The following ADAMTS2 variants were observed in gnomAD, a reference collection of about 807,000 sequenced individuals.
ADAMTS2 encodes the protein ADAM metallopeptidase with thrombospondin type 1 motif 2.
ADAMTS2 carries 50 observed loss-of-function variants against 123.0 expected under a neutral mutation model. The observed-to-expected ratio is 0.41, with a 90% confidence interval of 0.32 to 0.51. ADAMTS2 has a LOEUF of 0.51. Ranked by LOEUF, ADAMTS2 falls within the 20% of genes least tolerant of loss-of-function variation. The pLI is 0.35. For synonymous variants in ADAMTS2, 678 were observed against 695.4 expected (o/e 0.98, Z 0.39); for missense variants, 1,494 against 1,705.2 (o/e 0.88, Z 2.18).
rs1289454786 is a variant in ADAMTS2 at position 179,242,487 on chromosome 5, T to C, written c.688+30424A>G. Among the ~76,000 whole-genome samples the C allele has an allele frequency of 1.3e-5, 2 of 152,216 alleles. No homozygotes were observed. The highest frequency in any genetic ancestry group is 1.9e-4 in the East Asian group (1 of 5,196). On this transcript the variant is annotated intron_variant, in intron 3 of 21. Transcript: ENST00000251582. The surrounding 1 kb of genome is among the most constrained non-coding windows in gnomAD (Gnocchi z 4.2). The stretch of plus-strand genomic sequence containing the variant: ...GGACACATTCCCCTCAGAACAACCA[T>C]AACTGGTGAAAAGTATTGAAAAGTC...
chr5:179,324,189 A>G (rs1757253613), intron 2 of ADAMTS2, among the ~76,000 whole-genome samples: 1 of 152,160 alleles, frequency 6.6e-6, no homozygotes, highest in African/African-American at 2.4e-5. Flanking sequence ...TTCTTTTCAG[A>G]GTCTTGAACA....
chr5:179,270,319 C>T (rs1435523450), intron 3 of ADAMTS2, among the ~76,000 whole-genome samples: 1 of 152,178 alleles, frequency 6.6e-6, no homozygotes, highest in Non-Finnish European at 1.5e-5. Flanking sequence ...ATGCCCATCC[C>T]CCACTGGGAC....
In ADAMTS2 at chr5:179,125,110, G is replaced by A. The variant is rs937744996; in HGVS notation, c.2821C>T (p.Arg941Cys). Residue 941 changes from arginine to cysteine, a missense_variant, in exon 19 of 22, where the codon CGC becomes TGC. Around this residue, in one of 6 missense-constraint regions of ADAMTS2, gnomAD observed 953 missense variants for 1,124.7 expected, o/e 0.85. Transcript: ENST00000251582. ...TTGTCGTGTAGCGGCTGAATGCAGC[G>A]CACGGAGCGCACCTGCATGCCTGTC... ...GRTGMQVRSV[R>C]CIQPLHDNTT... 6 of 1,612,788 alleles carry A rather than the reference G, an allele frequency of 3.7e-6. No homozygotes were observed. The highest frequency in any genetic ancestry group is 3.3e-5 in the Admixed American group (2 of 59,996).
In ADAMTS2 at chr5:179,185,864, G is replaced by A. The variant is rs1208543920; in HGVS notation, c.892-4709C>T. Among the ~76,000 whole-genome samples the A allele has an allele frequency of 6.6e-6, 1 of 152,026 alleles. No individual in the cohort carries two copies. Among genetic ancestry groups the A allele is most frequent in the African/African-American group, 2.4e-5 (1 of 41,398 alleles). On this transcript the variant is annotated intron_variant, in intron 4 of 21. Transcript: ENST00000251582. The surrounding 1 kb of genome is among the most constrained non-coding windows in gnomAD (Gnocchi z 5.9). The stretch of plus-strand genomic sequence containing the variant: ...GTTCGGAGATTAACTGGGGCTCCCT[G>A]GCTGCTGAGGAGCTAGAGAGGGCAT...
chr5:179,204,259 C>A (rs963816048), intron 4 of ADAMTS2, among the ~76,000 whole-genome samples: 1 of 152,166 alleles, frequency 6.6e-6, no homozygotes, highest in Non-Finnish European at 1.5e-5. Flanking sequence ...GTTCTGTGGA[C>A]GGTGGTGGCG....
At chr5:179,169,323 C>T (rs1763770222) in intron 5 of ADAMTS2, among the ~76,000 whole-genome samples, 1 of 152,226 alleles carries the variant, frequency 6.6e-6, no homozygotes, top group South Asian at 2.1e-4. Context: ...GCGTCCTGCT[C>T]TTGGACTTCC....
At chr5:179,318,770 G>A (rs1581271213) in intron 2 of ADAMTS2, among the ~76,000 whole-genome samples, 1 of 151,658 alleles carries the variant, frequency 6.6e-6, no homozygotes, top group Non-Finnish European at 1.5e-5. Context: ...GGGAAACACT[G>A]ATGTCGCTGT....
chr5:179,322,103 A>G (rs1757199026), intron 2 of ADAMTS2, among the ~76,000 whole-genome samples: 1 of 152,218 alleles, frequency 6.6e-6, no homozygotes, highest in Non-Finnish European at 1.5e-5. Context: ...TTGAAAGCTA[A>G]TGGCACTGCA....
chr5:179,163,368 C>T (rs896956030), intron 5 of ADAMTS2, among the ~76,000 whole-genome samples: 12 of 152,140 alleles, frequency 7.9e-5, no homozygotes, highest in Non-Finnish European at 1.8e-4. Flanking sequence ...AACCCAGGTG[C>T]CCAGGCACAG....
intron 10 of ADAMTS2, among the ~76,000 whole-genome samples, chr5:179,145,954 G>A (rs1763243947): frequency 6.6e-6 from 1 of 152,212 alleles, no homozygotes; most frequent in Non-Finnish European, 1.5e-5. Flanking sequence ...CCGGGTTCAA[G>A]TGATTCTCCT....
rs182490488 is a variant in ADAMTS2 at position 179,216,645 on chromosome 5, C to G, written c.689-8930G>C. 1.7e-3 allele frequency among the ~76,000 whole-genome samples: 258 copies of G among 152,364 alleles called. 3 individuals are homozygous for G. The highest frequency in any genetic ancestry group is 6.0e-3 in the African/African-American group (248 of 41,584). ...TCCCGGAGAAGCAGAAGTCAGACCA[C>G]GACCTGGAGACTGATCTGCTCACCT... On this transcript the variant is annotated intron_variant, in intron 3 of 21. Transcript: ENST00000251582.
At chr5:179,223,327 C>G (rs1581201633) in intron 3 of ADAMTS2, among the ~76,000 whole-genome samples, 1 of 151,378 alleles carries the variant, frequency 6.6e-6, no homozygotes, top group African/African-American at 2.4e-5. Flanking sequence ...TGCACACTCA[C>G]ACAAATGCAC....
chr5:179,318,467 G>C (rs1021133892), intron 2 of ADAMTS2, among the ~76,000 whole-genome samples: 1 of 152,118 alleles, frequency 6.6e-6, no homozygotes, highest in Non-Finnish European at 1.5e-5. Flanking sequence ...CCTGCCAGGA[G>C]GGACAGGGCC....
At position 179,332,264 on chromosome 5, in the gene ADAMTS2, C is replaced by G. The variant is rs1757501721; in HGVS notation, c.534+11503G>C. Among the ~76,000 whole-genome samples, 1 of 152,196 alleles carries G rather than the reference C, an allele frequency of 6.6e-6. No individual in the cohort carries two copies. The highest frequency in any genetic ancestry group is 2.4e-5 in the African/African-American group (1 of 41,444). Reference sequence around the variant, plus strand: ...GGAAGGGCTGCAGAGCCTCCACGCCCTCTCTGGGCACTCACCCTCCCAGAA... The same window carrying G: ...GGAAGGGCTGCAGAGCCTCCACGCCGTCTCTGGGCACTCACCCTCCCAGAA... On this transcript the variant is annotated intron_variant, in intron 2 of 21. Coordinates refer to ENST00000251582, the MANE Select transcript of ADAMTS2 (RefSeq NM_014244.5). This position sits in a 1 kb window ranked among gnomAD's most constrained non-coding sequence, Gnocchi z 4.2.
chr5:179,153,461 A>G, intron 9 of ADAMTS2, 30 bp downstream of exon 9: 1 of 1,603,806 alleles, frequency 6.2e-7, no homozygotes, highest in South Asian at 1.1e-5. Context: ...CAGACCTGGG[A>G]GGGTCCCGGC....
chr5:179,339,248 C>G (rs1045937469), intron 2 of ADAMTS2, among the ~76,000 whole-genome samples: 1 of 152,256 alleles, frequency 6.6e-6, no homozygotes, highest in African/African-American at 2.4e-5. Context: ...AATCCCTCCC[C>G]CAACTCTCAC....
In ADAMTS2 at chr5:179,207,520, A is replaced by G. The variant is rs1485373655; in HGVS notation, c.884T>C (p.Met295Thr). 2 of 1,527,794 alleles carry G rather than the reference A, an allele frequency of 1.3e-6. No homozygotes were observed. The highest frequency in any genetic ancestry group is 1.8e-6 in the Non-Finnish European group (2 of 1,133,386). The allele number at this position is 1,527,794 out of a possible 1,614,324, so 94.6% of individuals were successfully genotyped here. The change falls in exon 4 of 22, where the codon ATG (methionine) becomes ACG (threonine). Residue 295 changes from methionine to threonine, a missense_variant. Physicochemically the swap from Met to Thr is moderately conservative, Grantham distance 81. Coordinates refer to ENST00000251582, the MANE Select transcript of ADAMTS2 (RefSeq NM_014244.5). ...EHVQKYLLTL[M>T]NIVNEIYHDE... ...CTCAGCCACCCCACTCACAATGTTCATGAGTGTCAGCAGGTACTTCTGTAC... is the reference window on the plus strand; with the variant it reads ...CTCAGCCACCCCACTCACAATGTTCGTGAGTGTCAGCAGGTACTTCTGTAC...
intron 4 of ADAMTS2, among the ~76,000 whole-genome samples, chr5:179,205,780 T>TATTATTA (rs1419365563): frequency 6.6e-6 from 1 of 150,638 alleles, no homozygotes; most frequent in African/African-American, 2.4e-5. Context: ...TTATTATTAT[T>TATTATTA]ATTATTTTTG....
chr5:179,208,180 A>G (rs916523078), intron 3 of ADAMTS2, among the ~76,000 whole-genome samples: 3 of 151,750 alleles, frequency 2.0e-5, no homozygotes, highest in South Asian at 2.1e-4. Context: ...GAGTGGGTAG[A>G]GCCACCTCTT....
Sources: allele counts gnomAD v4.1 joint callset (sites outside exome capture counted in the v4.1 genomes callset), GRCh38; gene constraint gnomAD v4.1.1; regional missense constraint gnomAD v4.1.1; non-coding constraint Gnocchi (gnomAD v3.1); transcripts MANE v1.5; gene names NCBI Gene and HGNC (gene_info 2026-07-23, HGNC 2026-07-21).